Variants in SHISA9 observed in about 807,000 individuals in gnomAD.
SHISA9 encodes the protein protein shisa-9.
SHISA9 carries 13 observed loss-of-function variants against 38.0 expected under a neutral mutation model. The observed-to-expected ratio is 0.34, with a 90% CI of 0.22 to 0.54. The LOEUF is 0.54. Ranked by LOEUF, SHISA9 falls within the 20% of genes least tolerant of loss-of-function variation. SHISA9 has a pLI of 0.91. For synonymous variants in SHISA9, 275 were observed against 242.0 expected (o/e 1.14, Z -1.27); for missense variants, 538 against 575.8 (o/e 0.93, Z 0.67).
chr16:13,491,719 A>G, the SHISA9 span, among the ~76,000 whole-genome samples: 2 of 146,648 alleles, frequency 1.4e-5, no homozygotes, highest in Non-Finnish European at 3.0e-5. Context: ...CAAACTCCTG[A>G]TCTCAAGAGA....
chr16:13,063,489 C>T (rs558966337), intron 2 of SHISA9, among the ~76,000 whole-genome samples: 12 of 152,198 alleles, frequency 7.9e-5, no homozygotes, highest in Admixed American at 2.0e-4. Context: ...TTTCTCATCT[C>T]GTAAAGTGGA....
the SHISA9 span, among the ~76,000 whole-genome samples, chr16:13,276,228 T>C: frequency 6.6e-6 from 1 of 150,980 alleles, no homozygotes; most frequent in Non-Finnish European, 1.5e-5. Flanking sequence ...TCCAGGTCAC[T>C]GCAAATGCTG....
In SHISA9 at chr16:13,070,411, G is replaced by A. The variant is rs148007440; in HGVS notation, c.692-132983G>A. ...GCGAGCACATGCGATTGGCCAGGCT[G>A]GGACCTGACTCTGGGTTGGCGGGCA... On this transcript the variant is annotated intron_variant, in intron 2 of 4. Transcript: ENST00000558583. 6.2e-3 allele frequency among the ~76,000 whole-genome samples: 938 copies of A among 152,300 alleles called. 9 individuals are homozygous for A. The highest frequency in any genetic ancestry group is 0.021 in the African/African-American group (887 of 41,564).
At chr16:13,474,461 C>T in the SHISA9 span, 1 of 152,154 alleles carries the variant, frequency 6.6e-6, no homozygotes, top group Non-Finnish European at 1.5e-5. Flanking sequence ...ACCGTTTAAT[C>T]TTCAAAACTA....
At chr16:13,337,597 T>G in the SHISA9 span, among the ~76,000 whole-genome samples, 1 of 152,172 alleles carries the variant, frequency 6.6e-6, no homozygotes, top group Non-Finnish European at 1.5e-5. Context: ...AATGGGATAT[T>G]CATGTGTAAT....
chr16:13,151,202 G>A (rs2050496146), intron 2 of SHISA9, among the ~76,000 whole-genome samples: 1 of 152,154 alleles, frequency 6.6e-6, no homozygotes, highest in South Asian at 2.1e-4. Context: ...TGCCTCCCGG[G>A]TTCAAGCGAT....
At chr16:13,492,440 G>A in the SHISA9 span, among the ~76,000 whole-genome samples, 1 of 152,142 alleles carries the variant, frequency 6.6e-6, no homozygotes, top group Non-Finnish European at 1.5e-5. Context: ...AATCAAAGCG[G>A]GGAAACAAAT....
At chr16:13,515,845 T>A in the SHISA9 span, among the ~76,000 whole-genome samples, 3 of 152,220 alleles carry the variant, frequency 2.0e-5, no homozygotes, top group Admixed American at 1.3e-4. Context: ...AGATTAGGAA[T>A]ATTAAAAACA....
chr16:13,555,410 C>T, the SHISA9 span, among the ~76,000 whole-genome samples: 1 of 152,086 alleles, frequency 6.6e-6, no homozygotes, highest in Admixed American at 6.5e-5. Context: ...AGAGGAAAGA[C>T]AGCACATTCT....
At chr16:13,469,320 G>GAGAGAGAGAAAGAAAGAA in the SHISA9 span, among the ~76,000 whole-genome samples, 104 of 61,566 alleles carry the variant, frequency 1.7e-3, 3 homozygotes, top group Admixed American at 1.8e-3. Flanking sequence ...GAGAGAGAGA[G>GAGAGAGAGAAAGAAAGAA]AGAAAGAAAG....
At chr16:12,973,640 G>A (rs889586036) in intron 2 of SHISA9, among the ~76,000 whole-genome samples, 1 of 152,158 alleles carries the variant, frequency 6.6e-6, no homozygotes, top group African/African-American at 2.4e-5. Context: ...TATGAGCTAA[G>A]CAACTTGTGT....
At chr16:13,071,571 C>CCTTCCTT (rs1445653646) in intron 2 of SHISA9, among the ~76,000 whole-genome samples, 13 of 134,388 alleles carry the variant, frequency 9.7e-5, no homozygotes, top group Admixed American at 2.3e-4. Context: ...CTTCCTTCCT[C>CCTTCCTT]CCTTCCTCCC....
chr16:12,938,315 C>A (rs2071560728), intron 2 of SHISA9, among the ~76,000 whole-genome samples: 1 of 152,194 alleles, frequency 6.6e-6, no homozygotes, highest in South Asian at 2.1e-4. Context: ...CCCTGGAATA[C>A]CTCTCTCTTT....
chr16:12,930,185 C>A (rs2071445408), intron 2 of SHISA9, among the ~76,000 whole-genome samples: 1 of 152,208 alleles, frequency 6.6e-6, no homozygotes. Context: ...GCCTGGCACA[C>A]AGAAAGTGCT....
the SHISA9 span, among the ~76,000 whole-genome samples, chr16:13,395,285 G>C: frequency 3.9e-5 from 6 of 152,298 alleles, no homozygotes; most frequent in African/African-American, 1.4e-4. Context: ...GAACCGTGCA[G>C]ACTTGGACTA....
intron 4 of SHISA9, among the ~76,000 whole-genome samples, chr16:13,220,962 G>A (rs1430766838): frequency 1.3e-5 from 2 of 151,656 alleles, no homozygotes; most frequent in African/African-American, 4.9e-5. Flanking sequence ...GCCAGGGGCT[G>A]TTTTAGAATT....
chr16:13,477,674 G>T, the SHISA9 span, among the ~76,000 whole-genome samples: 1 of 152,134 alleles, frequency 6.6e-6, no homozygotes, highest in Admixed American at 6.6e-5. Context: ...CACTTCAAAG[G>T]CTATATTGGG....
intron 2 of SHISA9, among the ~76,000 whole-genome samples, chr16:13,143,212 G>T (rs1255358106): frequency 2.0e-5 from 3 of 151,940 alleles, no homozygotes; most frequent in African/African-American, 7.3e-5. Flanking sequence ...GTTTCACCAT[G>T]TTGGCCAGGC....
intron 2 of SHISA9, among the ~76,000 whole-genome samples, chr16:13,153,396 T>A (rs2050516247): frequency 1.3e-5 from 2 of 152,158 alleles, no homozygotes. Context: ...AATTGGAGAA[T>A]CACAATTAGT....
Sources: allele counts gnomAD v4.1 joint callset (sites outside exome capture counted in the v4.1 genomes callset), GRCh38; gene constraint gnomAD v4.1.1; transcripts MANE v1.5; gene names NCBI Gene and HGNC (gene_info 2026-07-23, HGNC 2026-07-21).